The following EZR variants were observed in gnomAD, a reference collection of about 807,000 sequenced individuals.
The protein encoded by EZR is ezrin.
A neutral mutation model predicts 74.8 loss-of-function variants in EZR; 40 were observed. That is an observed-to-expected ratio of 0.53 (90% CI 0.42 to 0.70). The LOEUF is 0.70. EZR is among the 30% of genes least tolerant of loss of function. EZR has a pLI of 0.00. For synonymous variants in EZR, 341 were observed against 283.3 expected (o/e 1.20, Z -2.05); for missense variants, 678 against 755.8 (o/e 0.90, Z 1.21).
intron 2 of EZR, among the ~76,000 whole-genome samples, chr6:158,817,630 C>G (rs1777586935): frequency 6.6e-6 from 1 of 152,190 alleles, no homozygotes; most frequent in Non-Finnish European, 1.5e-5. Flanking sequence ...CTCTCCCAAA[C>G]GCCCTTTAAT....
chr6:158,785,589 C>A lies in EZR; in HGVS notation c.193-6G>T, dbSNP rs373542195. The A allele has an allele frequency of 2.5e-6, 4 of 1,612,298 alleles. No homozygotes were observed. The Admixed American group carries it at 6.7e-5, about 27-fold the overall frequency. On this transcript the variant is annotated splice_region_variant and splice_polypyrimidine_tract_variant and intron_variant, in intron 4 of 13. Coordinates refer to ENST00000367075, the MANE Select transcript of EZR (RefSeq NM_001111077.2). ...CTGACCTCCTGGGCAGACACCTGCA[C>A]GAAACAAGCCACACTCTCCACACAA...
intron 2 of EZR, among the ~76,000 whole-genome samples, chr6:158,795,635 T>TACAG: frequency 6.6e-6 from 1 of 152,220 alleles, no homozygotes; most frequent in East Asian, 1.9e-4. Flanking sequence ...GCACTGTGAG[T>TACAG]ACAGAGAGGC....
Position 158,766,710 on chromosome 6 carries a change from C to T in EZR, c.*204G>A, listed in dbSNP as rs1292492747. 4.9e-6 allele frequency: 3 copies of T among 607,330 alleles called. No individual in the cohort carries two copies. The African/African-American group carries it at 5.5e-5, about 11-fold the overall frequency. 37.6% of individuals were successfully genotyped at this position (607,330 alleles called of 1,614,324 possible). ...TTCGAGAATAATCGCGAGAATCAGG[C>T]CTGCTTGGCACTATTACAACTGGGG... On this transcript the variant is annotated 3_prime_UTR_variant, in exon 14 of 14. Coordinates refer to ENST00000367075, the MANE Select transcript of EZR (RefSeq NM_001111077.2).
rs886692539 is a variant in EZR at position 158,766,979 on chromosome 6, T to C, written c.1696A>G (p.Lys566Glu). ...CCCTGCCGGATCTGCCGCAGCGTCT[T>C]GTACTTGTCCCGGCCTTGCCTCATG... is the stretch of plus-strand genomic sequence containing the variant. ...ENMRQGRDKY[K>E]TLRQIRQGNT... is the part of the protein sequence containing the mutation. Residue 566 changes from lysine to glutamate, a missense_variant, in exon 14 of 14, where the codon AAG (lysine) becomes GAG (glutamate). Lys to Glu is a moderately conservative substitution (Grantham distance 56). Coordinates refer to ENST00000367075, the MANE Select transcript of EZR (RefSeq NM_001111077.2). 2.5e-6 allele frequency: 4 copies of C among 1,614,076 alleles called. No individual in the cohort carries two copies. The highest frequency in any genetic ancestry group is 1.7e-6 in the Non-Finnish European group (2 of 1,180,042).
rs145976670 is a variant in EZR, at chr6:158,769,544, C to T, written c.1252-126G>A. ...GACACCTGAGTCCCCGCCACCCCCACTCCATGGCCAGCAGGGTCCATTGTG... is the reference window on the plus strand; with the variant it reads ...GACACCTGAGTCCCCGCCACCCCCATTCCATGGCCAGCAGGGTCCATTGTG... On this transcript the variant is annotated intron_variant, in intron 11 of 13. Coordinates refer to ENST00000367075, the MANE Select transcript of EZR (RefSeq NM_001111077.2). The T allele has an allele frequency of 1.3e-5, 14 of 1,063,802 alleles. No homozygotes were observed. In the East Asian group the frequency reaches 3.2e-4, roughly 25 times the overall value. The allele number at this position is 1,063,802 out of a possible 1,614,324, so 65.9% of individuals were successfully genotyped here.
At chr6:158,795,796 C>T (rs1777058595) in intron 2 of EZR, among the ~76,000 whole-genome samples, 1 of 152,294 alleles carries the variant, frequency 6.6e-6, no homozygotes, top group Middle Eastern at 3.4e-3. Flanking sequence ...GCTGTCACTT[C>T]CACAAGTGAT....
intron 8 of EZR, among the ~76,000 whole-genome samples, chr6:158,775,192 C>T (rs1388608632): frequency 6.6e-6 from 1 of 151,974 alleles, no homozygotes; most frequent in Non-Finnish European, 1.5e-5. Context: ...ACCACCACGC[C>T]CAGATAATTT....
intron 3 of EZR, among the ~76,000 whole-genome samples, chr6:158,787,979 G>A (rs940453105): frequency 7.9e-5 from 12 of 152,216 alleles, no homozygotes; most frequent in African/African-American, 2.4e-4. Flanking sequence ...CGAACTTGCT[G>A]TGGACATTTG....
chr6:158,785,188 G>T, intron 5 of EZR, 121 bp downstream of exon 5: 3 of 1,248,742 alleles, frequency 2.4e-6, no homozygotes, highest in Non-Finnish European at 3.3e-6. Context: ...TGACTAGCAT[G>T]AAGGAGCACT....
At chr6:158,787,546 T>C (rs1583570735) in intron 3 of EZR, among the ~76,000 whole-genome samples, 2 of 152,286 alleles carry the variant, frequency 1.3e-5, no homozygotes, top group East Asian at 3.9e-4. Context: ...CACAGAACCA[T>C]GGGAGCCCAC....
chr6:158,811,888 T>A (rs1237391434), intron 2 of EZR, among the ~76,000 whole-genome samples: 12 of 110,148 alleles, frequency 1.1e-4, no homozygotes, highest in South Asian at 2.9e-4. Context: ...AAAAAAAAAA[T>A]TCACATTATT....
Position 158,814,713 on chromosome 6 carries a change from T to C in EZR, c.12+3369A>G, listed in dbSNP as rs1777518107. ...CATCCATACCACGCCCGGCTAATTTTTGTATTTTTAGTAGAGATGGGGTTT... is the reference window on the plus strand; with the variant it reads ...CATCCATACCACGCCCGGCTAATTTCTGTATTTTTAGTAGAGATGGGGTTT... On this transcript the variant is annotated intron_variant, in intron 2 of 13. Coordinates refer to ENST00000367075, the MANE Select transcript of EZR (RefSeq NM_001111077.2). 2.6e-5 allele frequency among the ~76,000 whole-genome samples: 4 copies of C among 152,036 alleles called. 1 individual carries two copies. Among genetic ancestry groups the C allele is most frequent in the East Asian group, 3.9e-4 (2 of 5,184 alleles).
chr6:158,802,630 CA>C (rs1180832621), intron 2 of EZR, among the ~76,000 whole-genome samples: 3 of 152,164 alleles, frequency 2.0e-5, no homozygotes, highest in East Asian at 3.8e-4. Flanking sequence ...CTCCCGGGTT[CA>C]AGCGATTCTC....
At chr6:158,804,642 T>C (rs1315559227) in intron 2 of EZR, among the ~76,000 whole-genome samples, 1 of 152,148 alleles carries the variant, frequency 6.6e-6, no homozygotes, top group Non-Finnish European at 1.5e-5. Flanking sequence ...TCGGTTTTAA[T>C]TGTAGGCTCA....
intron 2 of EZR, 125 bp from the exon 3 acceptor site, chr6:158,789,496 G>T: frequency 1.1e-6 from 1 of 880,096 alleles, no homozygotes; most frequent in Non-Finnish European, 1.9e-6. Flanking sequence ...CAGTTCCTGT[G>T]CTAGTCAGGA....
At chr6:158,767,135 C>T (rs899410105) in intron 13 of EZR, 57 bp from the exon 14 acceptor site, 1 of 1,601,164 alleles carries the variant, frequency 6.2e-7, no homozygotes, top group Non-Finnish European at 8.5e-7. Context: ...CCCGGCCCGT[C>T]CCCTAGGAAA....
intron 2 of EZR, among the ~76,000 whole-genome samples, chr6:158,797,516 C>CA (rs1485628063): frequency 3.3e-5 from 5 of 152,166 alleles, no homozygotes; most frequent in Non-Finnish European, 7.3e-5. Flanking sequence ...CTTGACCTTC[C>CA]ATATCATTTA....
intron 2 of EZR, among the ~76,000 whole-genome samples, chr6:158,789,961 T>A (rs1791690928): frequency 6.6e-6 from 1 of 152,190 alleles, no homozygotes; most frequent in African/African-American, 2.4e-5. Flanking sequence ...TACTTTAACC[T>A]ATTTTTCCAT....
At position 158,791,706 on chromosome 6, in the gene EZR, A is replaced by ATTTTTTTTTTTTTTTT. The variant is rs57581855; in HGVS notation, c.13-2351_13-2336dup. The stretch of plus-strand genomic sequence containing the variant: ...CCATGCACACGAGATTTCAGACTCC[A>ATTTTTTTTTTTTTTTT]TTTTTTTTTTTTTTTTTTTTGAGAC... On this transcript the variant is annotated intron_variant, in intron 2 of 13. Coordinates refer to ENST00000367075, the MANE Select transcript of EZR (RefSeq NM_001111077.2). Among the ~76,000 whole-genome samples, 6 of 96,262 alleles carry ATTTTTTTTTTTTTTTT rather than the reference A, an allele frequency of 6.2e-5. 2 individuals are homozygous for ATTTTTTTTTTTTTTTT. Among genetic ancestry groups the ATTTTTTTTTTTTTTTT allele is most frequent in the African/African-American group, 8.2e-5 (2 of 24,392 alleles). 63.2% of individuals were successfully genotyped at this position (96,262 alleles called of 152,430 possible).
Sources: gnomAD v4.1 joint callset for allele counts (sites outside exome capture counted in the v4.1 genomes callset) on GRCh38, gnomAD v4.1.1 for gene constraint, MANE v1.5 for transcripts, NCBI Gene and HGNC (gene_info 2026-07-23, HGNC 2026-07-21) for gene names.